Variants in C13orf42 observed in about 807,000 individuals in gnomAD.
C13orf42 encodes the protein uncharacterized protein C13orf42.
chr13:51,151,080 A>C (rs1201515593), intron 1 of C13orf42, among the ~76,000 whole-genome samples: 2 of 152,358 alleles, frequency 1.3e-5, no homozygotes, highest in East Asian at 3.9e-4. Context: ...AGTAGACAGA[A>C]TAACAGCCCC....
At chr13:51,090,404 A>G (rs1228901963) in intron 1 of C13orf42, among the ~76,000 whole-genome samples, 6 of 152,154 alleles carry the variant, frequency 3.9e-5, no homozygotes, top group African/African-American at 1.4e-4. Context: ...GAGAGAAACA[A>G]AGAATGGACA....
At position 51,134,551 on chromosome 13, in the gene C13orf42, A is replaced by C. The variant is rs1953642835; in HGVS notation, n.137-21329T>G. On this transcript the variant is annotated intron_variant and non_coding_transcript_variant, in intron 1 of 4. Coordinates refer to the C13orf42 transcript ENST00000433280. ...AGAATGAACATATACTCATTTCTCC[A>C]ACTTAACTGTTTTCCAATTCTTGTT... 2.0e-5 allele frequency among the ~76,000 whole-genome samples: 3 copies of C among 152,198 alleles called. No individual in the cohort carries two copies. In the South Asian group the frequency reaches 6.2e-4, roughly 32 times the overall value.
intron 1 of C13orf42, among the ~76,000 whole-genome samples, chr13:51,151,102 A>G (rs541609238): frequency 6.6e-6 from 1 of 152,360 alleles, no homozygotes; most frequent in South Asian, 2.1e-4. Flanking sequence ...AAAGACGTCC[A>G]CACATGAATC....
intron 1 of C13orf42, among the ~76,000 whole-genome samples, chr13:51,094,579 A>C (rs1312835846): frequency 1.3e-5 from 2 of 152,012 alleles, no homozygotes; most frequent in Non-Finnish European, 2.9e-5. Flanking sequence ...AGTCCTCCTC[A>C]CCTCTTTGTG....
intron 1 of C13orf42, among the ~76,000 whole-genome samples, chr13:51,166,307 T>C (rs1405538050): frequency 2.6e-5 from 4 of 151,404 alleles, no homozygotes; most frequent in South Asian, 2.1e-4. Flanking sequence ...ATGGATGAAA[T>C]TGGAAACCAT....
intron 1 of C13orf42, among the ~76,000 whole-genome samples, chr13:51,099,675 C>G (rs142924987): frequency 1.6e-4 from 25 of 152,288 alleles, no homozygotes; most frequent in African/African-American, 5.8e-4. Context: ...CTCTCTGTCA[C>G]TCAGGCTGGA....
chr13:51,118,992 T>C (rs1380732844), intron 1 of C13orf42, among the ~76,000 whole-genome samples: 1 of 151,944 alleles, frequency 6.6e-6, no homozygotes, highest in Non-Finnish European at 1.5e-5. Flanking sequence ...GTGTACAGTG[T>C]GCCCAGGTGT....
intron 1 of C13orf42, among the ~76,000 whole-genome samples, chr13:51,148,382 G>A (rs761053778): frequency 3.9e-4 from 59 of 152,232 alleles, no homozygotes; most frequent in Non-Finnish European, 6.5e-4. Context: ...GGAGGAGAGC[G>A]ACGCACAGGA....
chr13:51,168,615 C>T (rs1285611775), intron 1 of C13orf42, among the ~76,000 whole-genome samples: 2 of 152,296 alleles, frequency 1.3e-5, no homozygotes, highest in Middle Eastern at 3.4e-3. Context: ...AGCAATAATG[C>T]AGAATGGGTC....
intron 1 of C13orf42, among the ~76,000 whole-genome samples, chr13:51,098,189 C>A (rs1953254781): frequency 6.6e-6 from 1 of 151,992 alleles, no homozygotes; most frequent in Non-Finnish European, 1.5e-5. Context: ...GCTTCACCAC[C>A]CTCCGGGTAC....
intron 1 of C13orf42, among the ~76,000 whole-genome samples, chr13:51,105,849 C>T (rs1177625459): frequency 6.6e-6 from 1 of 152,120 alleles, no homozygotes; most frequent in Admixed American, 6.5e-5. Context: ...GATATATTGA[C>T]AGTATGAGTT....
At chr13:51,094,377 T>TGCA (rs1450515734) in intron 1 of C13orf42, among the ~76,000 whole-genome samples, 2 of 152,228 alleles carry the variant, frequency 1.3e-5, no homozygotes, top group Non-Finnish European at 2.9e-5. Flanking sequence ...TACTGATATT[T>TGCA]GCAACTCAAA....
chr13:51,145,677 G>A (rs1832694), intron 1 of C13orf42, among the ~76,000 whole-genome samples: 93,561 of 151,982 alleles, frequency 0.62, 29,091 homozygotes, highest in African/African-American at 0.7. Flanking sequence ...AGACAGGTGC[G>A]TATCTGATTG....
intron 1 of C13orf42, among the ~76,000 whole-genome samples, chr13:51,154,923 T>C (rs1225004787): frequency 6.6e-6 from 1 of 152,218 alleles, no homozygotes; most frequent in East Asian, 1.9e-4. Context: ...ACTGTCCTGC[T>C]TTTAAGGGGC....
upstream of C13orf42, among the ~76,000 whole-genome samples, chr13:51,114,671 C>T (rs1478777894): frequency 6.3e-3 from 960 of 151,448 alleles, 3 homozygotes; most frequent in Non-Finnish European, 6.5e-3. Flanking sequence ...GACAGACAGA[C>T]AGACAGACAG....
rs570297383 is a variant in C13orf42, at chr13:51,082,900, G to A, written c.*1251C>T. 8 of 152,282 alleles carry A rather than the reference G, an allele frequency of 5.3e-5. No homozygotes were observed. The highest frequency in any genetic ancestry group is 3.9e-4 in the Admixed American group (6 of 15,302). The allele number at this position is 152,282 out of a possible 1,614,324, so 9.4% of individuals were successfully genotyped here. On this transcript the variant is annotated 3_prime_UTR_variant, in exon 4 of 4. Transcript: ENST00000563710. ...GAGTTACATATTCTTAGATTCATAT[G>A]ATCAGGTTCACATAAACAAAAGGTT... is the stretch of plus-strand genomic sequence containing the variant.
At chr13:51,091,632 C>T (rs1263272553) in intron 1 of C13orf42, among the ~76,000 whole-genome samples, 1 of 152,120 alleles carries the variant, frequency 6.6e-6, no homozygotes, top group Non-Finnish European at 1.5e-5. Flanking sequence ...AATATCTATG[C>T]TGCCCTTTTC....
chr13:51,086,008 C>G (rs1271862200), intron 2 of C13orf42, among the ~76,000 whole-genome samples: 1 of 151,838 alleles, frequency 6.6e-6, no homozygotes, highest in Non-Finnish European at 1.5e-5. Flanking sequence ...CAGAGCGAGA[C>G]TCCGTCTCAA....
At chr13:51,093,718 T>C (rs1302273263) in intron 1 of C13orf42, among the ~76,000 whole-genome samples, 1 of 152,196 alleles carries the variant, frequency 6.6e-6, no homozygotes, top group Non-Finnish European at 1.5e-5. Flanking sequence ...CATCTACCTT[T>C]TACTTAATGC....
Sources: allele counts gnomAD v4.1 joint callset (sites outside exome capture counted in the v4.1 genomes callset), GRCh38; gene constraint gnomAD v4.1.1; transcripts MANE v1.5; gene names NCBI Gene and HGNC (gene_info 2026-07-23, HGNC 2026-07-21).